OTUD5: variants seen among roughly 807,000 people sequenced by gnomAD.
The protein encoded by OTUD5 is OTU domain-containing protein 5.
Under a neutral mutation model 36.3 loss-of-function variants are expected in OTUD5, and 2 were observed. That is an observed-to-expected ratio of 0.06 (90% CI 0.02 to 0.17). The LOEUF (loss-of-function observed/expected upper bound fraction) is 0.17. Ranked by LOEUF, OTUD5 falls within the 10% of genes least tolerant of loss-of-function variation. The probability of loss-of-function intolerance (pLI) is 1.00; values close to 1 mark genes in which losing one functional copy is unlikely to be tolerated. For synonymous variants in OTUD5, 234 were observed against 214.9 expected, an observed-to-expected ratio of 1.09 and a Z score of -0.78; for missense variants, 233 against 512.3, an observed-to-expected ratio of 0.45 and a Z score of 5.26.
In OTUD5 at chrX:48,951,572, G is replaced by A. The variant is rs782538981; in HGVS notation, c.594+5405C>T. Reference sequence around the variant, plus strand: ...GGAGGTTGCAGTGAGCCAAGATCGCGCCACTACACTCCAGCCTGGGGGACA... The same window carrying A: ...GGAGGTTGCAGTGAGCCAAGATCGCACCACTACACTCCAGCCTGGGGGACA... On this transcript the variant is annotated intron_variant, in intron 1 of 8. Transcript: ENST00000376488. 1.8e-4 allele frequency among the ~76,000 whole-genome samples: 20 copies of A among 110,417 alleles called. No individual in the cohort carries two copies. The South Asian group carries it at 3.8e-3, about 21-fold the overall frequency.
intron 2 of OTUD5, among the ~76,000 whole-genome samples, chrX:48,942,899 G>A (rs1557051470): frequency 1.8e-5 from 2 of 110,722 alleles, no homozygotes; most frequent in African/African-American, 6.6e-5. Flanking sequence ...ACAGCCTCAG[G>A]AAAGAAGAGC....
At chrX:48,924,146 G>A in intron 6 of OTUD5, 94 bp from the exon 7 acceptor site, 1 of 838,220 alleles carries the variant, frequency 1.2e-6, no homozygotes, top group Non-Finnish European at 1.7e-6. Flanking sequence ...CCAGGACCTT[G>A]GCTATGATAC....
At chrX:48,941,703 G>A (rs1282294985) in intron 2 of OTUD5, among the ~76,000 whole-genome samples, 1 of 111,047 alleles carries the variant, frequency 9.0e-6, no homozygotes. Flanking sequence ...TCTGCTCCAC[G>A]TTCCTTCCAC....
At chrX:48,945,147 A>G in intron 1 of OTUD5, among the ~76,000 whole-genome samples, 1 of 111,314 alleles carries the variant, frequency 9.0e-6, no homozygotes, top group Non-Finnish European at 1.9e-5. Flanking sequence ...AAACACACGT[A>G]CACAAAATTG....
chrX:48,926,006 C>T lies in OTUD5; in HGVS notation c.1104G>A (p.Glu368=). The change falls in exon 6 of 9, where the codon GAG becomes GAA. Residue 368 remains glutamate (E), a synonymous_variant. Transcript: ENST00000376488. ...GCATCTGCTGTTCAATCCATGACTC[C>T]TCCGATGTTTTTATGGCATTCTTCA... ...SLMKNAIKTS[E]ESWIEQQMLE... is the part of the protein sequence containing the mutation. The T allele has an allele frequency of 8.3e-7, 1 of 1,210,520 alleles. No individual in the cohort carries two copies. The highest frequency in any genetic ancestry group is 1.1e-6 in the Non-Finnish European group (1 of 894,397).
At chrX:48,944,312 A>G (rs781894635) in intron 1 of OTUD5, 29 bp from the exon 2 acceptor site, 1 of 1,023,941 alleles carries the variant, frequency 9.8e-7, no homozygotes, top group South Asian at 1.9e-5. Context: ...GGTCAGCAAC[A>G]GGGAAAACCT....
chrX:48,945,516 C>T lies in OTUD5; in HGVS notation c.595-1233G>A, dbSNP rs374230951. Among the ~76,000 whole-genome samples, 60 of 109,345 alleles carry T rather than the reference C, an allele frequency of 5.5e-4. No individual in the cohort carries two copies. The East Asian group carries it at 0.012, about 22-fold the overall frequency. 95.0% of individuals were successfully genotyped at this position (109,345 alleles called of 115,157 possible). ...CGATCTCCTGATCTCGTGATCCACC[C>T]ACCTCGGCCTCCCAAAGTGCTGGGA... is the stretch of plus-strand genomic sequence containing the variant. On this transcript the variant is annotated intron_variant, in intron 1 of 8. Coordinates refer to ENST00000376488, the MANE Select transcript of OTUD5 (RefSeq NM_001136157.2).
chrX:48,937,184 C>A (rs915293482), intron 2 of OTUD5, among the ~76,000 whole-genome samples: 9 of 111,691 alleles, frequency 8.1e-5, no homozygotes, highest in Non-Finnish European at 1.5e-4. Context: ...CCCTCCCCAG[C>A]GGCATTTCCA....
At chrX:48,932,203 A>G (rs1464927369) in intron 5 of OTUD5, among the ~76,000 whole-genome samples, 1 of 108,445 alleles carries the variant, frequency 9.2e-6, no homozygotes, top group Non-Finnish European at 1.9e-5. Context: ...TAATAATAAT[A>G]GCAGAACTGT....
chrX:48,950,333 G>A (rs908567456), intron 1 of OTUD5, among the ~76,000 whole-genome samples: 37 of 109,727 alleles, frequency 3.4e-4, no homozygotes, highest in Middle Eastern at 4.7e-3. Context: ...CAGAGAAGGC[G>A]ATGGTGAAGA....
chrX:48,925,797 T>G, intron 6 of OTUD5, 50 bp downstream of exon 6: 565 of 1,029,058 alleles, frequency 5.5e-4, no homozygotes, highest in Non-Finnish European at 6.9e-4. Context: ...GGGCAAAGCA[T>G]GAGAAGTAAT....
chrX:48,923,690 G>C lies in OTUD5; in HGVS notation c.1522C>G (p.Leu508Val). The stretch of plus-strand genomic sequence containing the variant: ...GCCCGGCACTCCAAAGCAGGGTAGA[G>C]GGACACAAGGGGGGAAGTTGCCCGG... ...ADRATSPLVS[L>V]YPALECRALI... The change falls in exon 8 of 9, where the codon CTC becomes GTC. Residue 508 changes from leucine to valine, a missense_variant. This residue lies in a region of OTUD5 where 57 missense variants were observed against 133.1 expected (regional missense o/e 0.43). Transcript: ENST00000376488. 8.3e-7 allele frequency: 1 copy of C among 1,209,564 alleles called. No homozygotes were observed. The highest frequency in any genetic ancestry group is 1.1e-6 in the Non-Finnish European group (1 of 893,975).
At position 48,934,880 on chromosome X, in the gene OTUD5, T is replaced by C. The variant is rs201934880; in HGVS notation, c.754-13A>G. On this transcript the variant is annotated splice_polypyrimidine_tract_variant and intron_variant, in intron 3 of 8. Coordinates refer to ENST00000376488, the MANE Select transcript of OTUD5 (RefSeq NM_001136157.2). ...CGGCATTCTTCATCTGCAGAATAGA[T>C]TGGAAGGTTAAGGTCTGTGTGGAGA... 4 of 1,207,757 alleles carry C rather than the reference T, an allele frequency of 3.3e-6. No individual in the cohort carries two copies. The East Asian group carries it at 1.2e-4, about 36-fold the overall frequency.
intron 5 of OTUD5, among the ~76,000 whole-genome samples, chrX:48,927,103 T>C (rs2063678942): frequency 8.9e-6 from 1 of 111,921 alleles, no homozygotes; most frequent in Admixed American, 9.5e-5. Context: ...AATGTAATTT[T>C]TTACTGTGAA....
intron 1 of OTUD5, among the ~76,000 whole-genome samples, chrX:48,948,441 G>A (rs1357393198): frequency 8.9e-6 from 1 of 112,676 alleles, no homozygotes. Context: ...AAAGCCTAGT[G>A]TAGAGGCAAC....
intron 5 of OTUD5, among the ~76,000 whole-genome samples, chrX:48,926,428 G>A (rs782629014): frequency 9.2e-6 from 1 of 108,913 alleles, no homozygotes; most frequent in South Asian, 4.0e-4. Context: ...TCGGCTCACT[G>A]CAACCTCCGC....
In OTUD5 at chrX:48,922,957, C is replaced by T; in HGVS notation, c.*217G>A. ...CTGTGCGGGATGGGGTGGGGGGCAA[C>T]AGGGCACATCAGCTGGCAGAGAGAC... is the stretch of plus-strand genomic sequence containing the variant. On this transcript the variant is annotated 3_prime_UTR_variant, in exon 9 of 9. Coordinates refer to ENST00000376488, the MANE Select transcript of OTUD5 (RefSeq NM_001136157.2). 3 of 1,055,669 alleles carry T rather than the reference C, an allele frequency of 2.8e-6. No homozygotes were observed. The South Asian group carries it at 7.2e-5, about 25-fold the overall frequency. 87.0% of individuals were successfully genotyped at this position (1,055,669 alleles called of 1,213,427 possible). A position where few individuals can be genotyped will look rare whatever the true frequency, so the allele number is the denominator to read the frequency against.
intron 5 of OTUD5, among the ~76,000 whole-genome samples, chrX:48,929,047 T>C (rs368041244): frequency 3.6e-5 from 4 of 110,668 alleles, no homozygotes; most frequent in East Asian, 2.8e-4. Context: ...TCAAAACCCA[T>C]AGAATGTACA....
At chrX:48,941,477 G>A (rs1277364155) in intron 2 of OTUD5, among the ~76,000 whole-genome samples, 2 of 96,336 alleles carry the variant, frequency 2.1e-5, no homozygotes, top group African/African-American at 8.1e-5. Context: ...AAAAGAATGC[G>A]TGTCCTTTGG....
Sources: gnomAD v4.1 joint callset for allele counts (sites outside exome capture counted in the v4.1 genomes callset) on GRCh38, gnomAD v4.1.1 for gene constraint, gnomAD v4.1.1 regional missense constraint, MANE v1.5 for transcripts, NCBI Gene and HGNC (gene_info 2026-07-23, HGNC 2026-07-21) for gene names.